The following SLC38A11 variants were observed in gnomAD, a reference collection of about 807,000 sequenced individuals.
SLC38A11 encodes solute carrier family 38 member 11.
A neutral mutation model predicts 49.4 loss-of-function variants in SLC38A11; 51 were observed. That is an observed-to-expected ratio of 1.03 (90% CI 0.83 to 1.30). SLC38A11 has a LOEUF of 1.30. Ranked by LOEUF, SLC38A11 falls within the 50% of genes most tolerant of loss-of-function variation. SLC38A11 has a pLI of 0.00. For missense variants in SLC38A11, 574 were observed against 556.2 expected, an observed-to-expected ratio of 1.03 and a Z score of -0.32; for synonymous variants, 203 against 192.9, an observed-to-expected ratio of 1.05 and a Z score of -0.43.
At chr2:164,945,478 G>T in intron 4 of SLC38A11, 115 bp downstream of exon 4, 2 of 938,780 alleles carry the variant, frequency 2.1e-6, no homozygotes, top group Non-Finnish European at 2.9e-6. Context: ...TTTCATTTGG[G>T]AAAGATTTCA....
At chr2:164,916,060 TAA>T in intron 7 of SLC38A11, 87 bp from the exon 8 acceptor site, 1 of 879,314 alleles carries the variant, frequency 1.1e-6, no homozygotes, top group Non-Finnish European at 1.8e-6. Flanking sequence ...ATCACAAATA[TAA>T]ACTGAGTGTC....
At position 164,939,542 on chromosome 2, in the gene SLC38A11, C is replaced by A; in HGVS notation, c.445G>T (p.Val149Leu). Residue 149 changes from valine to leucine, a missense_variant, in exon 6 of 12, where the codon GTG (valine) becomes TTG (leucine). Transcript: ENST00000685975. The part of the protein sequence containing the change: ...QRIPGVDPEN[V>L]FIGRHFIIGL... ...ATAATGAAGTGGCGACCAATAAACA[C>A]GTTTTCAGGATCAACTAAAACACAA... 6.2e-7 allele frequency: 1 copy of A among 1,607,310 alleles called. No homozygotes were observed. The highest frequency in any genetic ancestry group is 8.5e-7 in the Non-Finnish European group (1 of 1,175,300).
At chr2:164,909,020 C>T (rs1428190892) in intron 10 of SLC38A11, among the ~76,000 whole-genome samples, 2 of 152,014 alleles carry the variant, frequency 1.3e-5, no homozygotes, top group East Asian at 1.9e-4. Flanking sequence ...TGTGGCATAC[C>T]GATGTTTCAA....
intron 11 of SLC38A11, among the ~76,000 whole-genome samples, chr2:164,899,353 C>T (rs1349662360): frequency 6.6e-6 from 1 of 152,054 alleles, no homozygotes; most frequent in African/African-American, 2.4e-5. Flanking sequence ...ATGACTATTA[C>T]TCATTCACCC....
chr2:164,937,611 A>C (rs913082729), intron 6 of SLC38A11, 182 bp from the exon 7 acceptor site: 1 of 530,062 alleles, frequency 1.9e-6, no homozygotes, highest in Non-Finnish European at 3.4e-6. Flanking sequence ...TTATCAGATC[A>C]GTCTTGGTTC....
chr2:164,954,642 G>C lies in SLC38A11; in HGVS notation c.143C>G (p.Ser48Cys). ...GCAAATACACTTACCTATTATACCA[G>C]ATCCTATAATCGAGTTGACAACATT... Reference protein sequence around the residue: ...LFNVVNSIIGSGIIGLPYSMK... With the variant: ...LFNVVNSIIGCGIIGLPYSMK... Residue 48 changes from serine to cysteine, a missense_variant, in exon 2 of 12, where the codon TCT (serine) becomes TGT (cysteine). Ser to Cys is a moderately radical substitution (Grantham distance 112). Transcript: ENST00000685975. 1 of 1,514,396 alleles carries C rather than the reference G, an allele frequency of 6.6e-7. No individual in the cohort carries two copies. Among genetic ancestry groups the C allele is most frequent in the Non-Finnish European group, 8.9e-7 (1 of 1,123,068 alleles). The allele number at this position is 1,514,396 out of a possible 1,614,324, so 93.8% of individuals were successfully genotyped here. A position where few individuals can be genotyped will look rare whatever the true frequency, so the allele number is the denominator to read the frequency against.
Position 164,926,506 on chromosome 2 carries a change from C to A in SLC38A11, c.618-10533G>T, listed in dbSNP as rs540764335. Reference sequence around the variant, plus strand: ...AAACTTAATCCCCAGTGAAACAATACTAAGAGGTGGGGCCTCAAAGGTTTA... The same window carrying A: ...AAACTTAATCCCCAGTGAAACAATAATAAGAGGTGGGGCCTCAAAGGTTTA... On this transcript the variant is annotated intron_variant, in intron 7 of 11. Transcript: ENST00000685975. 2.6e-5 allele frequency among the ~76,000 whole-genome samples: 4 copies of A among 152,208 alleles called. No individual in the cohort carries two copies. The South Asian group carries it at 8.3e-4, about 32-fold the overall frequency.
At chr2:164,904,650 C>T (rs369805302) in intron 11 of SLC38A11, among the ~76,000 whole-genome samples, 1 of 152,138 alleles carries the variant, frequency 6.6e-6, no homozygotes, top group Non-Finnish European at 1.5e-5. Context: ...TTCTAAATTA[C>T]TACAATTACT....
intron 7 of SLC38A11, among the ~76,000 whole-genome samples, chr2:164,927,126 C>G (rs148413508): frequency 6.6e-6 from 1 of 152,116 alleles, no homozygotes; most frequent in Non-Finnish European, 1.5e-5. Flanking sequence ...GTGAGTTCAG[C>G]GTCTTTTTGT....
chr2:164,931,781 A>T (rs576131298), intron 7 of SLC38A11, among the ~76,000 whole-genome samples: 7 of 152,324 alleles, frequency 4.6e-5, no homozygotes, highest in African/African-American at 1.7e-4. Context: ...CTCAAGATGG[A>T]TTAAAGACTT....
At chr2:164,914,449 G>A (rs754399469) in intron 9 of SLC38A11, among the ~76,000 whole-genome samples, 8 of 151,958 alleles carry the variant, frequency 5.3e-5, no homozygotes, top group Non-Finnish European at 1.2e-4. Context: ...ATGATGTTTT[G>A]TGATTAAGAC....
At position 164,917,425 on chromosome 2, in the gene SLC38A11, A is replaced by G. The variant is rs78886014; in HGVS notation, c.618-1452T>C. On this transcript the variant is annotated intron_variant, in intron 7 of 11. Transcript: ENST00000685975. Reference sequence around the variant, plus strand: ...AAACTTCACAGAAAGGCAGGCCTGCAAGAGAGGCCACAGATTGTTATAAGA... The same window carrying G: ...AAACTTCACAGAAAGGCAGGCCTGCGAGAGAGGCCACAGATTGTTATAAGA... 7.9e-5 allele frequency among the ~76,000 whole-genome samples: 12 copies of G among 152,292 alleles called. No individual in the cohort carries two copies. The East Asian group carries it at 2.3e-3, about 29-fold the overall frequency.
chr2:164,932,452 T>C lies in SLC38A11; in HGVS notation c.617+4898A>G, dbSNP rs970596570. ...TATAGATGGTTTTATCATAAAAACA[T>C]GTAAATGGTCACAATAGCAAAGACA... On this transcript the variant is annotated intron_variant, in intron 7 of 11. Coordinates refer to ENST00000685975, the MANE Select transcript of SLC38A11 (RefSeq NM_001351537.2). Among the ~76,000 whole-genome samples, 5 of 151,254 alleles carry C rather than the reference T, an allele frequency of 3.3e-5. No individual in the cohort carries two copies. The East Asian group carries it at 9.7e-4, about 29-fold the overall frequency.
In SLC38A11 at chr2:164,939,539, A is replaced by G. The variant is rs1687605119; in HGVS notation, c.448T>C (p.Phe150Leu). ...RIPGVDPENV[F>L]IGRHFIIGLS... ...CCAATAATGAAGTGGCGACCAATAA[A>G]CACGTTTTCAGGATCAACTAAAACA... The change falls in exon 6 of 12, where the codon TTT becomes CTT. Residue 150 changes from phenylalanine to leucine, a missense_variant. Phe to Leu is a conservative substitution (Grantham distance 22). Coordinates refer to ENST00000685975, the MANE Select transcript of SLC38A11 (RefSeq NM_001351537.2). 6.2e-7 allele frequency: 1 copy of G among 1,608,938 alleles called. No individual in the cohort carries two copies. Among genetic ancestry groups the G allele is most frequent in the Non-Finnish European group, 8.5e-7 (1 of 1,176,564 alleles).
Position 164,896,570 on chromosome 2 carries a change from T to TG in SLC38A11, c.*1866dup, listed in dbSNP as rs1360468486. ...ACATTTCCTCATTTCTTACATGGAA[T>TG]GAAAGCATTTTTATTATATTTTACC... On this transcript the variant is annotated 3_prime_UTR_variant, in exon 12 of 12. Coordinates refer to ENST00000685975, the MANE Select transcript of SLC38A11 (RefSeq NM_001351537.2). 1 of 152,148 alleles carries TG rather than the reference T, an allele frequency of 6.6e-6. No homozygotes were observed. Among genetic ancestry groups the TG allele is most frequent in the Non-Finnish European group, 1.5e-5 (1 of 68,014 alleles). 9.4% of individuals were successfully genotyped at this position (152,148 alleles called of 1,614,324 possible). A position where few individuals can be genotyped will look rare whatever the true frequency, so the allele number is the denominator to read the frequency against.
At chr2:164,917,121 C>T (rs901507250) in intron 7 of SLC38A11, among the ~76,000 whole-genome samples, 1 of 152,024 alleles carries the variant, frequency 6.6e-6, no homozygotes, top group Non-Finnish European at 1.5e-5. Context: ...AAAGTATGGC[C>T]AACTTCCCTG....
chr2:164,951,361 ATTT>A (rs536919816), intron 3 of SLC38A11, among the ~76,000 whole-genome samples: 68 of 149,844 alleles, frequency 4.5e-4, no homozygotes, highest in Non-Finnish European at 6.7e-4. Flanking sequence ...CTTGAATGAA[ATTT>A]TTTTTTTTAG....
intron 9 of SLC38A11, 36 bp downstream of exon 9, chr2:164,915,076 T>C: frequency 6.4e-7 from 1 of 1,561,694 alleles, no homozygotes; most frequent in Non-Finnish European, 8.7e-7. Context: ...CCTGTACCAA[T>C]GCACATGAAC....
intron 7 of SLC38A11, among the ~76,000 whole-genome samples, chr2:164,925,446 C>T (rs887734352): frequency 6.6e-6 from 1 of 152,144 alleles, no homozygotes; most frequent in Non-Finnish European, 1.5e-5. Context: ...TAGGGTTCTA[C>T]TTGGATTGTG....
Sources: gnomAD v4.1 joint callset for allele counts (sites outside exome capture counted in the v4.1 genomes callset) on GRCh38, gnomAD v4.1.1 for gene constraint, MANE v1.5 for transcripts, NCBI Gene and HGNC (gene_info 2026-07-23, HGNC 2026-07-21) for gene names.